Variants in UCK2 observed in about 807,000 individuals in gnomAD.
UCK2 encodes the protein cytidine monophosphokinase 2.
In UCK2, 6 loss-of-function variants were observed where a neutral mutation model predicts 30.8. The ratio of observed to expected loss-of-function variants is 0.19; its 90% CI spans 0.11 to 0.38. The LOEUF (loss-of-function observed/expected upper bound fraction) is 0.38. Ranked by LOEUF, UCK2 falls within the 10% of genes least tolerant of loss-of-function variation. UCK2 has a pLI of 1.00. For synonymous variants in UCK2, 125 were observed against 133.6 expected, an observed-to-expected ratio of 0.94 and a Z score of 0.45; for missense variants, 210 against 339.8, an observed-to-expected ratio of 0.62 and a Z score of 3.00.
chr1:165,851,009 C>T (rs1654582873), intron 1 of UCK2, among the ~76,000 whole-genome samples: 1 of 148,228 alleles, frequency 6.7e-6, no homozygotes, highest in Non-Finnish European at 1.5e-5. Flanking sequence ...AGCAATCCTC[C>T]CCCTTTGCCC....
intron 1 of UCK2, among the ~76,000 whole-genome samples, chr1:165,839,430 T>C (rs1217505073): frequency 6.6e-6 from 1 of 152,086 alleles, no homozygotes; most frequent in East Asian, 1.9e-4. Flanking sequence ...TCAGGAGACA[T>C]CCATTGTTAA....
rs1359542341 is a variant in UCK2, at chr1:165,895,375, G to A, written c.357-815G>A. ...GCTGCAGTGAGTCCAAGATTGCGCCGCTGCACTCCAGCCTCCTGGGTGACA... is the reference window on the plus strand; with the variant it reads ...GCTGCAGTGAGTCCAAGATTGCGCCACTGCACTCCAGCCTCCTGGGTGACA... On this transcript the variant is annotated intron_variant, in intron 3 of 6. Coordinates refer to ENST00000367879, the MANE Select transcript of UCK2 (RefSeq NM_012474.5). 8 of 648,700 alleles carry A rather than the reference G, an allele frequency of 1.2e-5. No homozygotes were observed. In the Admixed American group the frequency reaches 1.9e-4, roughly 15 times the overall value. The allele number at this position is 648,700 out of a possible 1,614,324, so 40.2% of individuals were successfully genotyped here.
rs112409135 is a variant in UCK2 at position 165,888,117 on chromosome 1, C to A, written c.100-2087C>A. 7.9e-5 allele frequency among the ~76,000 whole-genome samples: 12 copies of A among 152,198 alleles called. No individual in the cohort carries two copies. In the South Asian group the frequency reaches 2.1e-3, roughly 26 times the overall value. ...CAACAGGAATGGCCAGTTTTCCTTACGCTCAGGGCAATCAAACACAACTTT... is the reference window on the plus strand; with the variant it reads ...CAACAGGAATGGCCAGTTTTCCTTAAGCTCAGGGCAATCAAACACAACTTT... On this transcript the variant is annotated intron_variant, in intron 1 of 6. Transcript: ENST00000367879.
intron 1 of UCK2, among the ~76,000 whole-genome samples, chr1:165,847,245 G>C (rs2101855736): frequency 1.3e-5 from 2 of 152,210 alleles, no homozygotes; most frequent in Middle Eastern, 3.4e-3. Context: ...AATAAAATGG[G>C]TACCAAAGTA....
rs1022123256 is a variant in UCK2, at chr1:165,909,323, T to G, written c.*1500T>G. On this transcript the variant is annotated 3_prime_UTR_variant, in exon 7 of 7. Coordinates refer to ENST00000367879, the MANE Select transcript of UCK2 (RefSeq NM_012474.5). ...TTCATTTCATTGTTGACCACCCTAGTGCTTGGTGGACTGTGCCCTTAGCTA... is the reference window on the plus strand; with the variant it reads ...TTCATTTCATTGTTGACCACCCTAGGGCTTGGTGGACTGTGCCCTTAGCTA... 1 of 152,240 alleles carries G rather than the reference T, an allele frequency of 6.6e-6. No individual in the cohort carries two copies. The highest frequency in any genetic ancestry group is 2.4e-5 in the African/African-American group (1 of 41,454). 9.4% of individuals were successfully genotyped at this position (152,240 alleles called of 1,614,324 possible).
At chr1:165,880,898 G>T (rs897951701) in intron 1 of UCK2, among the ~76,000 whole-genome samples, 1 of 151,932 alleles carries the variant, frequency 6.6e-6, no homozygotes, top group Non-Finnish European at 1.5e-5. Flanking sequence ...CAGGCTGGGC[G>T]TGGTGGCTCA....
At chr1:165,887,414 T>TA (rs1343379815) in intron 1 of UCK2, among the ~76,000 whole-genome samples, 26 of 152,218 alleles carry the variant, frequency 1.7e-4, no homozygotes. Flanking sequence ...TGTGCTGGGT[T>TA]AAGGGAAACA....
chr1:165,881,694 T>C (rs1184885604), intron 1 of UCK2, among the ~76,000 whole-genome samples: 1 of 152,236 alleles, frequency 6.6e-6, no homozygotes, highest in East Asian at 1.9e-4. Flanking sequence ...TCCTGACATA[T>C]AGCATGTTCT....
At chr1:165,873,200 A>G (rs1655247179) in intron 1 of UCK2, among the ~76,000 whole-genome samples, 1 of 152,254 alleles carries the variant, frequency 6.6e-6, no homozygotes, top group African/African-American at 2.4e-5. Context: ...GACAGATTAT[A>G]GAATTCTGAG....
chr1:165,902,277 G>T (rs188818098), intron 4 of UCK2, among the ~76,000 whole-genome samples: 1 of 152,036 alleles, frequency 6.6e-6, no homozygotes. Context: ...TTGAGGTGGT[G>T]TGTGCCTGTA....
At chr1:165,882,120 G>A (rs1655514515) in intron 1 of UCK2, among the ~76,000 whole-genome samples, 1 of 152,206 alleles carries the variant, frequency 6.6e-6, no homozygotes, top group Non-Finnish European at 1.5e-5. Context: ...AACAGGTGCC[G>A]AAAGGGGGAA....
At chr1:165,834,909 A>G (rs569064497) in intron 1 of UCK2, among the ~76,000 whole-genome samples, 17 of 152,276 alleles carry the variant, frequency 1.1e-4, no homozygotes, top group South Asian at 4.1e-4. Context: ...TGGTACGTAC[A>G]TGGCAGAAAC....
chr1:165,848,098 T>A (rs769035824), intron 1 of UCK2, among the ~76,000 whole-genome samples: 7 of 152,258 alleles, frequency 4.6e-5, no homozygotes, highest in Non-Finnish European at 1.0e-4. Context: ...GCATTTAGTG[T>A]TAACATAATG....
intron 1 of UCK2, among the ~76,000 whole-genome samples, chr1:165,863,976 T>C (rs552198691): frequency 1.3e-5 from 2 of 152,194 alleles, no homozygotes; most frequent in South Asian, 4.1e-4. Context: ...TTATTTTTTT[T>C]CCTTCTTTTC....
intron 1 of UCK2, among the ~76,000 whole-genome samples, chr1:165,871,930 A>G (rs1172476819): frequency 6.6e-6 from 1 of 152,218 alleles, no homozygotes; most frequent in Non-Finnish European, 1.5e-5. Flanking sequence ...TAAATCAATA[A>G]GAAATAAAAG....
chr1:165,851,333 A>G (rs1054723055), intron 1 of UCK2, among the ~76,000 whole-genome samples: 9 of 151,906 alleles, frequency 5.9e-5, no homozygotes, highest in South Asian at 2.1e-4. Context: ...GCCTTTGTCT[A>G]CTTTCTTTTG....
At chr1:165,870,719 G>A (rs1432644002) in intron 1 of UCK2, among the ~76,000 whole-genome samples, 1 of 152,208 alleles carries the variant, frequency 6.6e-6, no homozygotes, top group Non-Finnish European at 1.5e-5. Context: ...GGTTATCAAG[G>A]TAGGATTAGA....
intron 6 of UCK2, 141 bp downstream of exon 6, chr1:165,906,110 TC>T: frequency 1.3e-6 from 1 of 774,784 alleles, no homozygotes; most frequent in Non-Finnish European, 2.1e-6. Flanking sequence ...GCAGAACCTT[TC>T]CACCTACACG....
At chr1:165,839,671 G>A (rs766717981) in intron 1 of UCK2, among the ~76,000 whole-genome samples, 3 of 152,128 alleles carry the variant, frequency 2.0e-5, no homozygotes, top group Non-Finnish European at 2.9e-5. Flanking sequence ...GAGAACGTGC[G>A]TGGGTTTTGG....
Sources: allele counts gnomAD v4.1 joint callset (sites outside exome capture counted in the v4.1 genomes callset), GRCh38; gene constraint gnomAD v4.1.1; transcripts MANE v1.5; gene names NCBI Gene and HGNC (gene_info 2026-07-23, HGNC 2026-07-21).